Variants in SH3BP5 observed in about 807,000 individuals in gnomAD.
SH3BP5 encodes SH3 domain-binding protein 5.
In SH3BP5, 22 loss-of-function variants were observed where a neutral mutation model predicts 43.3. That is an observed-to-expected ratio of 0.51 (90% CI 0.36 to 0.73). The LOEUF is 0.73. Ranked by LOEUF, SH3BP5 falls within the 30% of genes least tolerant of loss-of-function variation. The probability of loss-of-function intolerance (pLI) is 0.00; values close to 1 mark genes in which losing one functional copy is unlikely to be tolerated. For missense variants in SH3BP5, 529 were observed against 586.9 expected (o/e 0.90, Z 1.02); for synonymous variants, 255 against 225.8 (o/e 1.13, Z -1.16).
intron 3 of SH3BP5, among the ~76,000 whole-genome samples, chr3:15,289,163 G>A (rs973815639): frequency 7.2e-5 from 11 of 152,114 alleles, no homozygotes; most frequent in Admixed American, 2.6e-4. Flanking sequence ...TAGTACCAAC[G>A]TGGCAGTCTG....
At chr3:15,336,162 G>C (rs1219744857), upstream of SH3BP5, among the ~76,000 whole-genome samples, 1 of 152,044 alleles carries the variant, frequency 6.6e-6, no homozygotes, top group East Asian at 1.9e-4. Flanking sequence ...AAATGAGAAA[G>C]CGTACCACAT....
chr3:15,313,438 A>G (rs541243231), intron 2 of SH3BP5, among the ~76,000 whole-genome samples: 4 of 152,358 alleles, frequency 2.6e-5, no homozygotes, highest in African/African-American at 7.2e-5. Context: ...GAATTCTATG[A>G]TAAAAGGCAC....
At chr3:15,331,449 G>GA (rs1055607898) in intron 1 of SH3BP5, among the ~76,000 whole-genome samples, 2 of 151,692 alleles carry the variant, frequency 1.3e-5, no homozygotes, top group African/African-American at 4.8e-5. Flanking sequence ...TGAAAAGGTA[G>GA]AAAAAAAACG....
At chr3:15,321,549 AC>A (rs1021933907) in intron 2 of SH3BP5, among the ~76,000 whole-genome samples, 10 of 150,204 alleles carry the variant, frequency 6.7e-5, no homozygotes, top group African/African-American at 2.5e-4. Context: ...TTCATTCCCC[AC>A]CCCCATCCCA....
At chr3:15,311,361 G>A (rs965993190) in intron 2 of SH3BP5, among the ~76,000 whole-genome samples, 4 of 152,040 alleles carry the variant, frequency 2.6e-5, no homozygotes, top group South Asian at 2.1e-4. Context: ...TCAGGAGTTC[G>A]AGACCAGCCT....
chr3:15,333,023 T>C, upstream of SH3BP5: 1 of 907,964 alleles, frequency 1.1e-6, no homozygotes, highest in Non-Finnish European at 1.3e-6. Context: ...CACTGATGCA[T>C]TGCCGAAGGC....
chr3:15,295,907 C>T (rs1161510295), intron 3 of SH3BP5, among the ~76,000 whole-genome samples: 2 of 152,172 alleles, frequency 1.3e-5, no homozygotes, highest in South Asian at 2.1e-4. Flanking sequence ...GAACATTCAA[C>T]CCTTTGCAGC....
chr3:15,310,226 C>T (rs982185279), intron 2 of SH3BP5, among the ~76,000 whole-genome samples: 1 of 152,138 alleles, frequency 6.6e-6, no homozygotes, highest in Non-Finnish European at 1.5e-5. Flanking sequence ...AAATTTCTTC[C>T]ACTTGAGATG....
chr3:15,306,619 A>G (rs1441313452), intron 2 of SH3BP5, among the ~76,000 whole-genome samples: 1 of 152,180 alleles, frequency 6.6e-6, no homozygotes, highest in Non-Finnish European at 1.5e-5. Flanking sequence ...CTGCTGGTAA[A>G]ACATGTGTTT....
At chr3:15,310,062 C>T (rs916839565) in intron 2 of SH3BP5, among the ~76,000 whole-genome samples, 8 of 152,144 alleles carry the variant, frequency 5.3e-5, no homozygotes, top group African/African-American at 1.9e-4. Flanking sequence ...ATTCCTTGGT[C>T]CTCACCCCCA....
In SH3BP5 at chr3:15,295,204, G is replaced by A. The variant is rs117654055; in HGVS notation, c.330+8899C>T. On this transcript the variant is annotated intron_variant, in intron 3 of 8. Transcript: ENST00000383791. ...CTCCATGTGGCTCTTGGCAAATACA[G>A]TCAGTCCTCATTATTCACAGCTTCC... Among the ~76,000 whole-genome samples the A allele has an allele frequency of 9.0e-4, 137 of 152,304 alleles. 1 individual carries two copies. In the East Asian group the frequency reaches 0.024, roughly 27 times the overall value.
intron 1 of SH3BP5, among the ~76,000 whole-genome samples, chr3:15,338,726 G>GAA (rs113668358): frequency 7.0e-6 from 1 of 142,980 alleles, no homozygotes; most frequent in African/African-American, 2.6e-5. Context: ...AAGGTCCCCC[G>GAA]AAAAAAAAAA....
chr3:15,289,055 A>G (rs970219497), intron 3 of SH3BP5, among the ~76,000 whole-genome samples: 1 of 152,230 alleles, frequency 6.6e-6, no homozygotes, highest in Non-Finnish European at 1.5e-5. Flanking sequence ...GGCAGTTACT[A>G]TATTTCCATG....
chr3:15,301,666 G>A (rs754387181), intron 3 of SH3BP5, among the ~76,000 whole-genome samples: 1 of 151,968 alleles, frequency 6.6e-6, no homozygotes, highest in Admixed American at 6.6e-5. Context: ...TGAGGAAATC[G>A]GGCTATGAAA....
chr3:15,281,591 C>T (rs529955596), intron 3 of SH3BP5, among the ~76,000 whole-genome samples: 10 of 152,232 alleles, frequency 6.6e-5, no homozygotes, highest in African/African-American at 2.4e-4. Context: ...CTGGGGGTTG[C>T]GAGCATAACA....
chr3:15,338,435 T>G (rs1367467909), intron 1 of SH3BP5, among the ~76,000 whole-genome samples: 1 of 152,240 alleles, frequency 6.6e-6, no homozygotes, highest in Non-Finnish European at 1.5e-5. Context: ...TGAATCTGCA[T>G]TCACATCACA....
chr3:15,256,233 GCTA>G lies in SH3BP5; in HGVS notation c.1218_1220del (p.Ser408del). On this transcript the variant is annotated inframe_deletion, in exon 9 of 9. Coordinates refer to ENST00000383791, the MANE Select transcript of SH3BP5 (RefSeq NM_004844.5). ...TCTTACTGCTGCCACCACTGCCACT[GCTA>G]CTGCTGAGGCCCCGGTTGTTGTTGG... 1 of 1,614,176 alleles carries G rather than the reference GCTA, an allele frequency of 6.2e-7. No individual in the cohort carries two copies. The highest frequency in any genetic ancestry group is 8.5e-7 in the Non-Finnish European group (1 of 1,180,018).
chr3:15,314,424 T>C (rs927899246), intron 2 of SH3BP5, among the ~76,000 whole-genome samples: 4 of 152,102 alleles, frequency 2.6e-5, no homozygotes, highest in Admixed American at 6.5e-5. Flanking sequence ...GGGGCTTTCA[T>C]AGCCCTGAGG....
chr3:15,313,004 G>A (rs1698097283), intron 2 of SH3BP5, among the ~76,000 whole-genome samples: 1 of 152,196 alleles, frequency 6.6e-6, no homozygotes, highest in South Asian at 2.1e-4. Flanking sequence ...AGCACTTTGG[G>A]AGGCCAAGGC....
Sources: gnomAD v4.1 joint callset for allele counts (sites outside exome capture counted in the v4.1 genomes callset) on GRCh38, gnomAD v4.1.1 for gene constraint, MANE v1.5 for transcripts, NCBI Gene and HGNC (gene_info 2026-07-23, HGNC 2026-07-21) for gene names.